The following SLC44A5 variants were observed in gnomAD, a reference collection of about 807,000 sequenced individuals.
SLC44A5 encodes the protein solute carrier family 44 member 5, also known as choline transporter-like protein 5.
Under a neutral mutation model 101.8 loss-of-function variants are expected in SLC44A5, and 57 were observed. The ratio of observed to expected loss-of-function variants is 0.56; its 90% confidence interval spans 0.45 to 0.70. The LOEUF (loss-of-function observed/expected upper bound fraction) is 0.70, where lower values mean the gene tolerates loss of function less well. Among genes scored for constraint, SLC44A5 ranks in the 30% least tolerant of loss-of-function variants. SLC44A5 has a pLI of 0.00. For synonymous variants in SLC44A5, 281 were observed against 290.9 expected, an observed-to-expected ratio of 0.97 and a Z score of 0.35; for missense variants, 737 against 853.1, an observed-to-expected ratio of 0.86 and a Z score of 1.70.
intron 1 of SLC44A5, among the ~76,000 whole-genome samples, chr1:75,545,051 CCT>C (rs1213202147): frequency 1.3e-5 from 2 of 152,100 alleles, no homozygotes; most frequent in African/African-American, 4.8e-5. Context: ...CGTTCCCCTC[CCT>C]GTGTCCATGT....
At chr1:75,469,900 GAAAAAAAAAAAA>G (rs1171157547) in intron 2 of SLC44A5, among the ~76,000 whole-genome samples, 2 of 80,564 alleles carry the variant, frequency 2.5e-5, no homozygotes, top group Non-Finnish European at 5.3e-5. Context: ...ACCTTGTGAA[GAAAAAAAAAAAA>G]AAAAAAAAAA....
chr1:75,702,839 AGT>A, the SLC44A5 span, among the ~76,000 whole-genome samples: 1 of 152,200 alleles, frequency 6.6e-6, no homozygotes, highest in African/African-American at 2.4e-5. Flanking sequence ...CCCATCAAAA[AGT>A]GGGCAAAGGA....
chr1:75,563,712 T>C (rs930259234), intron 1 of SLC44A5, among the ~76,000 whole-genome samples: 7 of 152,024 alleles, frequency 4.6e-5, no homozygotes, highest in Non-Finnish European at 7.4e-5. Context: ...GTAAATGAAA[T>C]TGTTATATTT....
chr1:75,311,987 C>T (rs1655338426), intron 4 of SLC44A5, among the ~76,000 whole-genome samples: 1 of 152,110 alleles, frequency 6.6e-6, no homozygotes, highest in Admixed American at 6.6e-5. Flanking sequence ...ACCCAAACTT[C>T]ATCTTGAATT....
rs189647990 is a variant in SLC44A5, at chr1:75,218,677, A to G, written c.1342T>C (p.Leu448=). 1.2e-6 allele frequency: 2 copies of G among 1,613,592 alleles called. No individual in the cohort carries two copies. Among genetic ancestry groups the G allele is most frequent in the Non-Finnish European group, 1.7e-6 (2 of 1,179,584 alleles). The change falls in exon 17 of 24, where the codon TTG becomes CTG. Residue 448 remains leucine (L), a synonymous_variant. Coordinates refer to ENST00000370859, the MANE Select transcript of SLC44A5 (RefSeq NM_001130058.2). ...CNFAFYGGKS[L]YHQYIPTFHV... is the part of the protein sequence containing the mutation. ...AAGGTAGGGATGTACTGATGGTACA[A>G]GCTCTTTCCACCATAGAAAGCAAAG...
chr1:75,405,313 C>T (rs1662777666), intron 2 of SLC44A5, among the ~76,000 whole-genome samples: 1 of 152,172 alleles, frequency 6.6e-6, no homozygotes, highest in Admixed American at 6.5e-5. Context: ...AGAAAATTAA[C>T]AATGATATTC....
At chr1:75,619,344 A>G in the SLC44A5 span, among the ~76,000 whole-genome samples, 1 of 152,128 alleles carries the variant, frequency 6.6e-6, no homozygotes, top group Admixed American at 6.5e-5. Context: ...TCCATCATTG[A>G]CTGAAATATC....
intron 1 of SLC44A5, among the ~76,000 whole-genome samples, chr1:75,605,046 A>G (rs1348742640): frequency 1.3e-5 from 2 of 151,982 alleles, no homozygotes; most frequent in African/African-American, 4.8e-5. Context: ...GAGTGGGAAG[A>G]GTGGGCATCC....
intron 3 of SLC44A5, among the ~76,000 whole-genome samples, chr1:75,340,791 T>C (rs923732212): frequency 2.0e-5 from 3 of 152,200 alleles, no homozygotes; most frequent in Non-Finnish European, 4.4e-5. Context: ...CGAGTTATTC[T>C]CAGTAGAAGA....
the SLC44A5 span, among the ~76,000 whole-genome samples, chr1:75,632,985 A>C: frequency 1.3e-5 from 2 of 152,176 alleles, no homozygotes; most frequent in Non-Finnish European, 2.9e-5. Flanking sequence ...TTTTATACCA[A>C]TGACAAATAT....
the SLC44A5 span, among the ~76,000 whole-genome samples, chr1:75,619,096 A>G: frequency 6.5e-4 from 77 of 117,690 alleles, no homozygotes; most frequent in Admixed American, 6.9e-3. Context: ...GGGGAAGGAA[A>G]GAAGGAAGGA....
chr1:75,476,554 T>C (rs1667415961), intron 2 of SLC44A5, among the ~76,000 whole-genome samples: 1 of 152,328 alleles, frequency 6.6e-6, no homozygotes, highest in Admixed American at 6.5e-5. Flanking sequence ...ACCTGAATAC[T>C]GCGCTTTTCC....
At chr1:75,564,251 T>C (rs1393092966) in intron 1 of SLC44A5, among the ~76,000 whole-genome samples, 2 of 152,224 alleles carry the variant, frequency 1.3e-5, no homozygotes, top group African/African-American at 2.4e-5. Flanking sequence ...TAGAATTGTT[T>C]CTTCATTGGG....
intron 2 of SLC44A5, among the ~76,000 whole-genome samples, chr1:75,434,758 T>A (rs189496009): frequency 2.4e-4 from 36 of 152,256 alleles, no homozygotes; most frequent in African/African-American, 7.7e-4. Context: ...TCTGTATTAC[T>A]CCATCCATGG....
intron 4 of SLC44A5, among the ~76,000 whole-genome samples, chr1:75,308,775 T>C (rs571752688): frequency 6.6e-6 from 1 of 152,244 alleles, no homozygotes; most frequent in South Asian, 2.1e-4. Context: ...AGACACAGAG[T>C]AGTGCTAAAA....
At chr1:75,277,453 G>GTTGTCT in intron 5 of SLC44A5, among the ~76,000 whole-genome samples, 1 of 152,176 alleles carries the variant, frequency 6.6e-6, no homozygotes, top group South Asian at 2.1e-4. Context: ...GACAAGGTAT[G>GTTGTCT]AACTCAGGTG....
intron 3 of SLC44A5, among the ~76,000 whole-genome samples, chr1:75,347,143 C>A (rs1241869110): frequency 3.3e-5 from 5 of 152,124 alleles, no homozygotes; most frequent in African/African-American, 1.2e-4. Flanking sequence ...GAATAAATAC[C>A]ACTAAAGAAA....
rs1476942186 is a variant in SLC44A5 at position 75,477,298 on chromosome 1, C to CG, written c.13+64136dup. 2.0e-5 allele frequency among the ~76,000 whole-genome samples: 3 copies of CG among 152,106 alleles called. No individual in the cohort carries two copies. The East Asian group carries it at 5.8e-4, about 29-fold the overall frequency. ...CTAAAAGTAGATAAAACCACAAAGACGGGGGAAAAAACAGAGCAGAAAAAC... is the reference window on the plus strand; with the variant it reads ...CTAAAAGTAGATAAAACCACAAAGACGGGGGGAAAAAACAGAGCAGAAAAAC... On this transcript the variant is annotated intron_variant, in intron 2 of 23. Transcript: ENST00000370859.
At chr1:75,711,034 A>C in the SLC44A5 span, among the ~76,000 whole-genome samples, 2 of 152,174 alleles carry the variant, frequency 1.3e-5, no homozygotes. Flanking sequence ...ATCATGAGCT[A>C]TTGGTGAACT....
Sources: allele counts gnomAD v4.1 joint callset (sites outside exome capture counted in the v4.1 genomes callset), GRCh38; gene constraint gnomAD v4.1.1; transcripts MANE v1.5; gene names NCBI Gene and HGNC (gene_info 2026-07-23, HGNC 2026-07-21).